The following CSMD3 variants were observed in gnomAD, a reference collection of about 807,000 sequenced individuals.
The protein encoded by CSMD3 is CUB and Sushi multiple domains 3, also known as CUB and sushi domain-containing protein 3.
Under a neutral mutation model 435.2 loss-of-function variants are expected in CSMD3, and 177 were observed. The observed-to-expected ratio is 0.41, with a 90% confidence interval of 0.36 to 0.46. The LOEUF is 0.46. CSMD3 is among the 20% of genes least tolerant of loss of function. The probability of loss-of-function intolerance (pLI) is 0.34; values close to 1 mark genes in which losing one functional copy is unlikely to be tolerated. For missense variants in CSMD3, 4,265 were observed against 4,504.6 expected (o/e 0.95, Z 1.52); for synonymous variants, 1,656 against 1,520.5 (o/e 1.09, Z -2.07).
At chr8:113,387,514 G>C (rs1466744270) in intron 1 of CSMD3, among the ~76,000 whole-genome samples, 1 of 151,734 alleles carries the variant, frequency 6.6e-6, no homozygotes, top group African/African-American at 2.4e-5. Flanking sequence ...TTTTATGATT[G>C]CAGTGAAGAA....
intron 41 of CSMD3, among the ~76,000 whole-genome samples, chr8:112,342,175 G>A (rs1220282421): frequency 6.6e-6 from 1 of 151,892 alleles, no homozygotes; most frequent in Admixed American, 6.6e-5. Context: ...GAAATATAAC[G>A]TATATAATTT....
intron 59 of CSMD3, among the ~76,000 whole-genome samples, chr8:112,279,010 AAAAAACAACAACAAC>A (rs1398343406): frequency 4.3e-4 from 57 of 133,038 alleles, no homozygotes; most frequent in Non-Finnish European, 6.3e-4. Flanking sequence ...CTCCACCCCC[AAAAAACAACAACAAC>A]AACAACAACA....
chr8:112,686,837 T>A (rs2076024384), intron 14 of CSMD3, among the ~76,000 whole-genome samples: 1 of 152,068 alleles, frequency 6.6e-6, no homozygotes, highest in African/African-American at 2.4e-5. Context: ...TGTACTAAAT[T>A]ATGTTTTCCT....
At chr8:112,628,997 T>G (rs1227351906) in intron 22 of CSMD3, among the ~76,000 whole-genome samples, 1 of 152,140 alleles carries the variant, frequency 6.6e-6, no homozygotes, top group Non-Finnish European at 1.5e-5. Flanking sequence ...AGGTTCTTTC[T>G]GACTCCATAG....
chr8:113,221,906 T>C lies in CSMD3; in HGVS notation c.515-47990A>G, dbSNP rs73348205. Among the ~76,000 whole-genome samples, 534 of 151,410 alleles carry C rather than the reference T, an allele frequency of 3.5e-3. 2 individuals are homozygous for C. The highest frequency in any genetic ancestry group is 0.012 in the African/African-American group (496 of 41,444). ...TTTTTATCTCCCCTTAGTAGAACAC[T>C]AGTCAATAAGAGCAGGGACTTTGTT... On this transcript the variant is annotated intron_variant, in intron 3 of 70. Coordinates refer to ENST00000297405, the MANE Select transcript of CSMD3 (RefSeq NM_198123.2).
At chr8:112,651,493 T>G (rs970288203) in intron 18 of CSMD3, among the ~76,000 whole-genome samples, 4 of 151,976 alleles carry the variant, frequency 2.6e-5, no homozygotes, top group African/African-American at 9.7e-5. Flanking sequence ...TTTTATCTGC[T>G]AAGTTCCTCT....
chr8:112,571,064 A>G (rs1829469978), intron 24 of CSMD3, among the ~76,000 whole-genome samples: 1 of 151,968 alleles, frequency 6.6e-6, no homozygotes, highest in African/African-American at 2.4e-5. Flanking sequence ...CTGGAGTGCA[A>G]TGGCGCAATC....
chr8:113,151,433 C>T lies in CSMD3; in HGVS notation c.709+22289G>A, dbSNP rs73344352. On this transcript the variant is annotated intron_variant, in intron 4 of 70. Coordinates refer to ENST00000297405, the MANE Select transcript of CSMD3 (RefSeq NM_198123.2). Reference sequence around the variant, plus strand: ...ACACCAGAAATATACAAATAATATGCACAGCACTGTATTAAATAATAATAA... The same window carrying T: ...ACACCAGAAATATACAAATAATATGTACAGCACTGTATTAAATAATAATAA... Among the ~76,000 whole-genome samples the T allele has an allele frequency of 3.8e-3, 578 of 151,718 alleles. 5 individuals are homozygous for T. The highest frequency in any genetic ancestry group is 0.013 in the African/African-American group (541 of 41,384).
chr8:112,314,740 T>G, intron 47 of CSMD3, 123 bp from the exon 48 acceptor site: 2 of 732,178 alleles, frequency 2.7e-6, no homozygotes, highest in South Asian at 1.5e-5. Flanking sequence ...GTTGAATTAT[T>G]TGTTAGAAGA....
intron 2 of CSMD3, among the ~76,000 whole-genome samples, chr8:113,279,555 C>T (rs933239751): frequency 1.3e-5 from 2 of 151,628 alleles, no homozygotes; most frequent in Non-Finnish European, 3.0e-5. Flanking sequence ...GAATTGTTCA[C>T]TTTTAGCAAA....
intron 53 of CSMD3, among the ~76,000 whole-genome samples, chr8:112,299,584 G>T (rs984458759): frequency 2.6e-5 from 4 of 152,076 alleles, no homozygotes; most frequent in Non-Finnish European, 5.9e-5. Flanking sequence ...GGTGTTCACT[G>T]TCAATTCCTT....
intron 59 of CSMD3, among the ~76,000 whole-genome samples, chr8:112,274,151 C>T (rs536189027): frequency 1.3e-5 from 2 of 151,624 alleles, no homozygotes; most frequent in African/African-American, 2.4e-5. Context: ...TTCAGCTTTC[C>T]TTCAACGTGG....
intron 6 of CSMD3, among the ~76,000 whole-genome samples, chr8:112,984,683 T>C (rs1419284928): frequency 6.6e-6 from 1 of 152,186 alleles, no homozygotes; most frequent in Admixed American, 6.6e-5. Flanking sequence ...AAGACAGAAA[T>C]AAAATGGGTG....
intron 3 of CSMD3, among the ~76,000 whole-genome samples, chr8:113,248,161 G>A (rs1210999536): frequency 2.0e-5 from 3 of 151,812 alleles, no homozygotes; most frequent in African/African-American, 7.2e-5. Context: ...TTTTATGAGT[G>A]GTGATAATTT....
rs572566895 is a variant in CSMD3 at position 113,030,286 on chromosome 8, T to G, written c.918-11107A>C. 4.7e-5 allele frequency among the ~76,000 whole-genome samples: 7 copies of G among 150,178 alleles called. No homozygotes were observed. In the South Asian group the frequency reaches 1.5e-3, roughly 32 times the overall value. ...GAATTAGAAAAAAAAAATCTAAAAT[T>G]CATATGGAAGCAAAAAAGAGCTGGT... On this transcript the variant is annotated intron_variant, in intron 5 of 70. Transcript: ENST00000297405.
At chr8:112,297,278 C>T (rs1820406701) in intron 53 of CSMD3, among the ~76,000 whole-genome samples, 1 of 147,744 alleles carries the variant, frequency 6.8e-6, no homozygotes, top group South Asian at 2.1e-4. Flanking sequence ...TAAAAAGTAC[C>T]AAAGTCCTTA....
At chr8:112,757,568 G>A (rs1274781790) in intron 13 of CSMD3, among the ~76,000 whole-genome samples, 5 of 152,004 alleles carry the variant, frequency 3.3e-5, no homozygotes, top group Non-Finnish European at 5.9e-5. Flanking sequence ...GTATCTGGCT[G>A]TCTCTTAATT....
At chr8:112,515,254 C>A (rs1267146988) in intron 28 of CSMD3, among the ~76,000 whole-genome samples, 1 of 151,980 alleles carries the variant, frequency 6.6e-6, no homozygotes, top group Non-Finnish European at 1.5e-5. Flanking sequence ...TTCTAATAAG[C>A]AACATCCTTT....
At position 112,689,844 on chromosome 8, in the gene CSMD3, G is replaced by T. The variant is rs373877722; in HGVS notation, c.2155+24C>A. On this transcript the variant is annotated intron_variant, in intron 14 of 70. Coordinates refer to ENST00000297405, the MANE Select transcript of CSMD3 (RefSeq NM_198123.2). ...AAGGACAGGGTAACATATGCTATCTGGAAGCAAAGCATTTGGTACTCACAG... is the reference window on the plus strand; with the variant it reads ...AAGGACAGGGTAACATATGCTATCTTGAAGCAAAGCATTTGGTACTCACAG... 99 of 1,600,214 alleles carry T rather than the reference G, an allele frequency of 6.2e-5. No individual in the cohort carries two copies. In the African/African-American group the frequency reaches 1.2e-3, roughly 19 times the overall value.
Sources: allele counts gnomAD v4.1 joint callset (sites outside exome capture counted in the v4.1 genomes callset), GRCh38; gene constraint gnomAD v4.1.1; transcripts MANE v1.5; gene names NCBI Gene and HGNC (gene_info 2026-07-23, HGNC 2026-07-21).